CAST: variants seen among roughly 807,000 people sequenced by gnomAD.
The protein encoded by CAST is MIR583 host.
A neutral mutation model predicts 119.6 loss-of-function variants in CAST; 76 were observed. That is an observed-to-expected ratio of 0.64 (90% confidence interval 0.53 to 0.77). The LOEUF is 0.77. Among genes scored for constraint, CAST ranks in the 30% least tolerant of loss-of-function variants. CAST has a pLI of 0.00. For synonymous variants in CAST, 319 were observed against 331.6 expected, an observed-to-expected ratio of 0.96 and a Z score of 0.41; for missense variants, 953 against 946.5, an observed-to-expected ratio of 1.01 and a Z score of -0.09.
chr5:96,584,042 A>G (rs1746809891), intron 1 of CAST, among the ~76,000 whole-genome samples: 1 of 152,170 alleles, frequency 6.6e-6, no homozygotes, highest in Non-Finnish European at 1.5e-5. Flanking sequence ...TAGGTATGGA[A>G]TTCCGATGAT....
the CAST span, among the ~76,000 whole-genome samples, chr5:96,206,663 G>T: frequency 6.6e-6 from 1 of 152,106 alleles, no homozygotes; most frequent in South Asian, 2.1e-4. Context: ...TTTGGTCTAT[G>T]TGTCTAATTT....
chr5:96,092,303 A>G, the CAST span, among the ~76,000 whole-genome samples: 3 of 152,268 alleles, frequency 2.0e-5, no homozygotes, highest in African/African-American at 7.2e-5. Context: ...GAAAATAAAA[A>G]GAAATAAAAA....
chr5:96,678,317 C>T (rs1750941567), intron 2 of CAST, among the ~76,000 whole-genome samples: 1 of 152,166 alleles, frequency 6.6e-6, no homozygotes, highest in Admixed American at 6.5e-5. Flanking sequence ...TGTCCCCAAG[C>T]ATATGCAAAT....
chr5:96,615,935 A>C lies in CAST; in HGVS notation c.61-59604A>C, dbSNP rs536039972. On this transcript the variant is annotated intron_variant, in intron 1 of 11. Transcript: ENST00000505143. ...AGCAAGGAAGCCAGTCTGAGTCCCA[A>C]AACTGAAGAACTGGGAGTCCAATGT... 5.9e-5 allele frequency among the ~76,000 whole-genome samples: 9 copies of C among 152,300 alleles called. No individual in the cohort carries two copies. The South Asian group carries it at 1.9e-3, about 32-fold the overall frequency.
the CAST span, among the ~76,000 whole-genome samples, chr5:96,496,327 T>C: frequency 8.5e-5 from 13 of 152,220 alleles, no homozygotes; most frequent in Admixed American, 7.2e-4. Flanking sequence ...ATATTTCTTA[T>C]TGCACAGGGG....
At chr5:96,552,630 G>A (rs1580821021) in intron 1 of CAST, among the ~76,000 whole-genome samples, 1 of 152,156 alleles carries the variant, frequency 6.6e-6, no homozygotes, top group East Asian at 1.9e-4. Flanking sequence ...GAATACAGGA[G>A]CTGGTTTTTG....
At chr5:96,592,124 C>T (rs937998743) in intron 1 of CAST, among the ~76,000 whole-genome samples, 2 of 152,144 alleles carry the variant, frequency 1.3e-5, no homozygotes, top group African/African-American at 2.4e-5. Context: ...TGGCCGGGTG[C>T]GGTGGCTCAT....
chr5:96,126,334 A>G, the CAST span, among the ~76,000 whole-genome samples: 2 of 152,072 alleles, frequency 1.3e-5, no homozygotes, highest in African/African-American at 4.8e-5. Context: ...TTATAAGGGT[A>G]TTGTTGATGT....
chr5:96,448,445 G>A, the CAST span, among the ~76,000 whole-genome samples: 3 of 152,144 alleles, frequency 2.0e-5, no homozygotes, highest in Non-Finnish European at 4.4e-5. Context: ...CTCAACAAAT[G>A]TATATCGCGC....
the CAST span, chr5:96,413,094 C>G: frequency 3.7e-5 from 11 of 297,058 alleles, no homozygotes; most frequent in Non-Finnish European, 5.5e-5. Context: ...ACTTTTGTTT[C>G]TAAGCCCTGA....
chr5:96,677,006 A>G (rs1750792366), intron 2 of CAST, among the ~76,000 whole-genome samples: 1 of 151,752 alleles, frequency 6.6e-6, no homozygotes, highest in South Asian at 2.1e-4. Flanking sequence ...GTGAGCCGAG[A>G]TCACGCCACT....
intron 9 of CAST, among the ~76,000 whole-genome samples, chr5:96,731,479 T>G (rs946760212): frequency 2.0e-5 from 3 of 151,460 alleles, no homozygotes; most frequent in Non-Finnish European, 2.9e-5. Flanking sequence ...TAAGGTTTTT[T>G]TTTTTTTTTT....
At chr5:96,549,065 G>A (rs1014390833) in intron 1 of CAST, among the ~76,000 whole-genome samples, 11 of 152,158 alleles carry the variant, frequency 7.2e-5, no homozygotes, top group Admixed American at 7.2e-4. Flanking sequence ...CTCTCTACTG[G>A]CAAGCGAAAA....
At chr5:96,299,789 T>C in the CAST span, among the ~76,000 whole-genome samples, 2 of 152,208 alleles carry the variant, frequency 1.3e-5, no homozygotes, top group Non-Finnish European at 2.9e-5. Flanking sequence ...TTATTATATA[T>C]TGACAAGTTA....
At chr5:96,107,866 A>C in the CAST span, among the ~76,000 whole-genome samples, 1 of 152,070 alleles carries the variant, frequency 6.6e-6, no homozygotes, top group Non-Finnish European at 1.5e-5. Flanking sequence ...TACACCAATC[A>C]GACGTAGATT....
At chr5:96,001,759 C>G in the CAST span, among the ~76,000 whole-genome samples, 1 of 152,228 alleles carries the variant, frequency 6.6e-6, no homozygotes, top group Non-Finnish European at 1.5e-5. Flanking sequence ...GCCCCCTACT[C>G]AAGACTTTTC....
intron 1 of CAST, chr5:96,584,777 T>G (rs1212657709): frequency 6.6e-6 from 1 of 152,228 alleles, no homozygotes; most frequent in Non-Finnish European, 1.5e-5. Context: ...TAGTTGGCAC[T>G]GGTGTTTCTG....
the CAST span, chr5:96,318,552 A>G: frequency 5.3e-5 from 8 of 152,356 alleles, no homozygotes; most frequent in South Asian, 1.0e-3. Context: ...AAAGTAAGAT[A>G]TAACAAGTTG....
chr5:96,449,409 A>G, the CAST span, among the ~76,000 whole-genome samples: 4,858 of 152,254 alleles, frequency 0.032, 234 homozygotes, highest in African/African-American at 0.11. Context: ...TCTTATGAGA[A>G]TCTAATGTCT....
Sources: allele counts gnomAD v4.1 joint callset (sites outside exome capture counted in the v4.1 genomes callset), GRCh38; gene constraint gnomAD v4.1.1; transcripts MANE v1.5; gene names NCBI Gene and HGNC (gene_info 2026-07-23, HGNC 2026-07-21).